The following WWOX variants were observed in gnomAD, a reference collection of about 807,000 sequenced individuals.
WWOX encodes the protein WW domain containing oxidoreductase.
Under a neutral mutation model 46.2 loss-of-function variants are expected in WWOX, and 69 were observed. The ratio of observed to expected loss-of-function variants is 1.49; its 90% CI spans 1.23 to 1.82. The LOEUF (loss-of-function observed/expected upper bound fraction) is 1.82. Ranked by LOEUF, WWOX falls within the 40% of genes most tolerant of loss-of-function variation. WWOX has a pLI of 0.00. For synonymous variants in WWOX, 359 were observed against 202.6 expected, an observed-to-expected ratio of 1.77 and a Z score of -6.56; for missense variants, 919 against 542.6, an observed-to-expected ratio of 1.69 and a Z score of -6.89.
intron 8 of WWOX, among the ~76,000 whole-genome samples, chr16:78,777,491 C>T (rs958941513): frequency 6.6e-6 from 1 of 152,066 alleles, no homozygotes; most frequent in Non-Finnish European, 1.5e-5. Flanking sequence ...CAAATACAGA[C>T]GTAGAAAGAC....
At chr16:78,629,171 T>G (rs2046373698) in intron 8 of WWOX, among the ~76,000 whole-genome samples, 1 of 152,188 alleles carries the variant, frequency 6.6e-6, no homozygotes, top group South Asian at 2.1e-4. Context: ...GTTGGAGTTT[T>G]CCCTTTGGGG....
chr16:78,359,500 C>T (rs892998211), intron 5 of WWOX, among the ~76,000 whole-genome samples: 17 of 152,214 alleles, frequency 1.1e-4, no homozygotes, highest in Admixed American at 7.2e-4. Flanking sequence ...ATCGTTGAAA[C>T]ACCTTTTCTT....
At chr16:78,356,707 C>T (rs545549809) in intron 5 of WWOX, among the ~76,000 whole-genome samples, 1 of 152,184 alleles carries the variant, frequency 6.6e-6, no homozygotes, top group East Asian at 1.9e-4. Flanking sequence ...ATGGTGAAAC[C>T]CCGTCTCTAC....
intron 5 of WWOX, among the ~76,000 whole-genome samples, chr16:78,205,453 G>A (rs2036359922): frequency 6.6e-6 from 1 of 151,500 alleles, no homozygotes; most frequent in South Asian, 2.1e-4. Context: ...TCATTCATCT[G>A]CCCATCTGCC....
At chr16:78,394,881 G>A (rs771382347) in intron 6 of WWOX, among the ~76,000 whole-genome samples, 1 of 152,164 alleles carries the variant, frequency 6.6e-6, no homozygotes, top group Non-Finnish European at 1.5e-5. Context: ...GTCAACTGAC[G>A]CTTCCAGCTC....
chr16:78,118,352 A>T (rs1199421444), intron 4 of WWOX, among the ~76,000 whole-genome samples: 1 of 152,168 alleles, frequency 6.6e-6, no homozygotes, highest in East Asian at 1.9e-4. Flanking sequence ...AGGAAATGTC[A>T]GAATAAAGCA....
chr16:78,956,621 A>G (rs2046172423), intron 8 of WWOX, among the ~76,000 whole-genome samples: 1 of 152,202 alleles, frequency 6.6e-6, no homozygotes, highest in East Asian at 1.9e-4. Context: ...ATCATGTCAT[A>G]TCATATCATA....
rs144414257 is a variant in WWOX at position 78,528,735 on chromosome 16, T to A, written c.1056+95983T>A. On this transcript the variant is annotated intron_variant, in intron 8 of 8. Transcript: ENST00000566780. ...GATTTTTAAATTTGGCCGGTGAAAA[T>A]GAACTTTAGGTAGGGGTTTGAGGAA... is the stretch of plus-strand genomic sequence containing the variant. Among the ~76,000 whole-genome samples, 570 of 152,096 alleles carry A rather than the reference T, an allele frequency of 3.7e-3. 4 individuals are homozygous for A. Among genetic ancestry groups the A allele is most frequent in the Non-Finnish European group, 6.5e-3 (440 of 67,982 alleles).
intron 5 of WWOX, among the ~76,000 whole-genome samples, chr16:78,190,051 G>T (rs1317360253): frequency 1.3e-5 from 2 of 152,176 alleles, no homozygotes. Flanking sequence ...TCCACACTTG[G>T]TATTAATAGC....
At chr16:78,133,185 C>A (rs2033663353) in intron 4 of WWOX, among the ~76,000 whole-genome samples, 1 of 152,144 alleles carries the variant, frequency 6.6e-6, no homozygotes, top group African/African-American at 2.4e-5. Flanking sequence ...TTTAACTTTT[C>A]AAAGGATGCT....
At chr16:78,862,324 A>G (rs184438593) in intron 8 of WWOX, among the ~76,000 whole-genome samples, 23 of 151,054 alleles carry the variant, frequency 1.5e-4, no homozygotes, top group Admixed American at 4.6e-4. Flanking sequence ...GTGTCTTTCT[A>G]TATCTATACA....
At chr16:78,996,717 A>G (rs892017112) in intron 8 of WWOX, among the ~76,000 whole-genome samples, 2 of 152,104 alleles carry the variant, frequency 1.3e-5, no homozygotes, top group African/African-American at 2.4e-5. Context: ...ACAGAAAGTA[A>G]ACAGCCCATG....
chr16:78,371,184 C>A (rs202199535), intron 5 of WWOX, among the ~76,000 whole-genome samples: 2 of 152,134 alleles, frequency 1.3e-5, no homozygotes, highest in Admixed American at 1.3e-4. Flanking sequence ...GCATGAATGT[C>A]ATTGTTTTGC....
chr16:78,303,648 G>T (rs144700383), intron 5 of WWOX, among the ~76,000 whole-genome samples: 1 of 152,296 alleles, frequency 6.6e-6, no homozygotes, highest in African/African-American at 2.4e-5. Context: ...GGTTTCAAGC[G>T]ATTCTCATGC....
At chr16:78,402,668 C>T (rs146173928) in intron 6 of WWOX, among the ~76,000 whole-genome samples, 12 of 152,228 alleles carry the variant, frequency 7.9e-5, no homozygotes, top group South Asian at 4.1e-4. Context: ...TACAAGTCCA[C>T]GATCAAAGCC....
chr16:78,435,510 C>G (rs952174662), intron 8 of WWOX, among the ~76,000 whole-genome samples: 1 of 152,150 alleles, frequency 6.6e-6, no homozygotes, highest in African/African-American at 2.4e-5. Flanking sequence ...AGTGAGAAAG[C>G]TGTGGGAAAA....
At chr16:79,019,529 G>C (rs993212093) in intron 8 of WWOX, among the ~76,000 whole-genome samples, 2 of 152,060 alleles carry the variant, frequency 1.3e-5, no homozygotes, top group African/African-American at 2.4e-5. Context: ...GTCTGTCATT[G>C]ACTGAAAGTT....
chr16:78,930,431 C>T (rs538365593), intron 8 of WWOX, among the ~76,000 whole-genome samples: 1 of 150,056 alleles, frequency 6.7e-6, no homozygotes, highest in Non-Finnish European at 1.5e-5. Context: ...GTGTGCACCA[C>T]CACACCCAGC....
At chr16:79,208,153 C>G (rs1433464134) in intron 8 of WWOX, among the ~76,000 whole-genome samples, 2 of 152,180 alleles carry the variant, frequency 1.3e-5, no homozygotes, top group African/African-American at 4.8e-5. Context: ...TACATATACT[C>G]TCAAGATTGA....
Sources: allele counts gnomAD v4.1 joint callset (sites outside exome capture counted in the v4.1 genomes callset), GRCh38; gene constraint gnomAD v4.1.1; transcripts MANE v1.5; gene names NCBI Gene and HGNC (gene_info 2026-07-23, HGNC 2026-07-21).